Variants in FGGY observed in about 807,000 individuals in gnomAD.
The protein encoded by FGGY is FGGY carbohydrate kinase domain-containing protein.
A neutral mutation model predicts 71.3 loss-of-function variants in FGGY; 72 were observed. The observed-to-expected ratio is 1.01, with a 90% CI of 0.84 to 1.23. The LOEUF (loss-of-function observed/expected upper bound fraction) is 1.23, where lower values mean the gene tolerates loss of function less well. Among genes scored for constraint, FGGY ranks in the 50% most tolerant of loss-of-function variants. The probability of loss-of-function intolerance (pLI) is 0.00; values close to 1 mark genes in which losing one functional copy is unlikely to be tolerated. For synonymous variants in FGGY, 251 were observed against 250.3 expected, an observed-to-expected ratio of 1.00 and a Z score of -0.02; for missense variants, 668 against 682.3, an observed-to-expected ratio of 0.98 and a Z score of 0.23.
intron 6 of FGGY, among the ~76,000 whole-genome samples, chr1:59,468,489 G>A (rs972815278): frequency 3.3e-5 from 5 of 152,098 alleles, no homozygotes; most frequent in African/African-American, 1.2e-4. Flanking sequence ...GAAAGGTTGG[G>A]CATTTCACTT....
intron 5 of FGGY, among the ~76,000 whole-genome samples, chr1:59,394,326 G>C (rs1041230740): frequency 6.6e-6 from 1 of 152,046 alleles, no homozygotes; most frequent in Non-Finnish European, 1.5e-5. Context: ...TTCTTAAAGA[G>C]CCTTTACATA....
At chr1:59,360,075 GATTA>G (rs1557665308) in intron 4 of FGGY, among the ~76,000 whole-genome samples, 1 of 151,334 alleles carries the variant, frequency 6.6e-6, no homozygotes, top group East Asian at 1.9e-4. Context: ...TCATTTTACC[GATTA>G]ATTATTCATA....
chr1:59,475,624 G>T (rs952890595), intron 6 of FGGY, among the ~76,000 whole-genome samples: 3 of 152,198 alleles, frequency 2.0e-5, no homozygotes, highest in Non-Finnish European at 4.4e-5. Flanking sequence ...AAACCTAGAA[G>T]TCATTCTTAA....
At chr1:59,377,454 A>G (rs939930797) in intron 4 of FGGY, among the ~76,000 whole-genome samples, 5 of 152,184 alleles carry the variant, frequency 3.3e-5, no homozygotes, top group Middle Eastern at 3.2e-3. Context: ...TTATAAAACC[A>G]TGAGATCTTG....
chr1:59,498,962 T>C (rs1373185468), intron 6 of FGGY, among the ~76,000 whole-genome samples: 2 of 152,250 alleles, frequency 1.3e-5, no homozygotes, highest in Admixed American at 1.3e-4. Flanking sequence ...GGACACTTTC[T>C]GCTGCTTCTG....
chr1:59,491,924 C>T (rs561918735), intron 6 of FGGY, among the ~76,000 whole-genome samples: 32 of 152,168 alleles, frequency 2.1e-4, no homozygotes, highest in Admixed American at 4.6e-4. Context: ...TTATAATAGA[C>T]GCGTGTCGTT....
intron 12 of FGGY, 184 bp downstream of exon 12, chr1:59,660,477 T>C: frequency 2.3e-6 from 1 of 438,342 alleles, no homozygotes; most frequent in Non-Finnish European, 4.0e-6. Flanking sequence ...CTGCTTTAAC[T>C]AATAACCTCA....
intron 5 of FGGY, among the ~76,000 whole-genome samples, chr1:59,416,868 A>C (rs1450554764): frequency 6.6e-6 from 1 of 152,212 alleles, no homozygotes; most frequent in East Asian, 1.9e-4. Context: ...AGCAAGAAGC[A>C]GGGAAAGTGG....
At position 59,321,718 on chromosome 1, in the gene FGGY, G is replaced by A; in HGVS notation, c.169G>A (p.Asp57Asn). ...QFNHHEQSSE[D>N]IWAACCVVTK... ...CAACCACCATGAGCAGTCCTCCGAG[G>A]ACATCTGGGCTGCGTGCTGTGTTGT... Residue 57 changes from aspartate to asparagine, a missense_variant, in exon 2 of 16, where the codon GAC (aspartate) becomes AAC (asparagine). By Grantham distance (23) the Asp-to-Asn change is conservative. Transcript: ENST00000303721. The A allele has an allele frequency of 1.1e-5, 17 of 1,612,438 alleles. No homozygotes were observed. Among genetic ancestry groups the A allele is most frequent in the Non-Finnish European group, 1.4e-5 (17 of 1,179,326 alleles).
chr1:59,358,299 C>T (rs78243335), intron 4 of FGGY, among the ~76,000 whole-genome samples: 3,735 of 152,188 alleles, frequency 0.025, 177 homozygotes, highest in African/African-American at 0.086. Context: ...TCCAAAGTGA[C>T]CATAATTGTT....
chr1:59,462,837 G>A (rs984942219), intron 6 of FGGY, among the ~76,000 whole-genome samples: 2 of 151,814 alleles, frequency 1.3e-5, no homozygotes, highest in East Asian at 1.9e-4. Flanking sequence ...TGGAGAAATA[G>A]GAACACTTTT....
intron 11 of FGGY, among the ~76,000 whole-genome samples, chr1:59,643,343 A>T (rs1303571209): frequency 6.6e-6 from 1 of 151,960 alleles, no homozygotes; most frequent in East Asian, 1.9e-4. Flanking sequence ...GGCACATGTC[A>T]GCATGCCCAG....
chr1:59,508,253 G>A (rs1479529957), intron 6 of FGGY, among the ~76,000 whole-genome samples: 1 of 152,158 alleles, frequency 6.6e-6, no homozygotes. Flanking sequence ...AAGAGTCTTA[G>A]TTTTTCATCA....
intron 8 of FGGY, among the ~76,000 whole-genome samples, chr1:59,558,674 A>C (rs1013751406): frequency 6.6e-6 from 1 of 152,114 alleles, no homozygotes; most frequent in African/African-American, 2.4e-5. Flanking sequence ...AACAACAGAA[A>C]ACAGGGTTCA....
chr1:59,514,656 C>T lies in FGGY; in HGVS notation c.799+2217C>T, dbSNP rs1307618200. On this transcript the variant is annotated intron_variant, in intron 7 of 15. Transcript: ENST00000303721. ...GGGGGAGGTAATTGAATCATGGAGG[C>T]CGGTCTTTCCCATGCTATTCTCGTG... Among the ~76,000 whole-genome samples the T allele has an allele frequency of 2.6e-5, 4 of 152,114 alleles. No individual in the cohort carries two copies. The East Asian group carries it at 7.7e-4, about 29-fold the overall frequency.
At chr1:59,588,203 G>A (rs2153780721) in intron 8 of FGGY, among the ~76,000 whole-genome samples, 1 of 152,300 alleles carries the variant, frequency 6.6e-6, no homozygotes, top group Non-Finnish European at 1.5e-5. Flanking sequence ...AGGGATGGAA[G>A]ATGAAGCGAA....
chr1:59,481,931 T>C (rs1290053141), intron 6 of FGGY, among the ~76,000 whole-genome samples: 1 of 152,172 alleles, frequency 6.6e-6, no homozygotes, highest in East Asian at 1.9e-4. Context: ...AAAACCGACA[T>C]GAAAAGAAAG....
At chr1:59,662,086 C>G (rs1257250798) in intron 12 of FGGY, among the ~76,000 whole-genome samples, 2 of 147,090 alleles carry the variant, frequency 1.4e-5, no homozygotes, top group Non-Finnish European at 3.0e-5. Flanking sequence ...CTTTGGGAGG[C>G]CAAAGAGGGC....
chr1:59,312,908 C>CA lies in FGGY; in HGVS notation c.-14-8626dup, dbSNP rs200379034. Among the ~76,000 whole-genome samples, 76 of 152,240 alleles carry CA rather than the reference C, an allele frequency of 5.0e-4. 3 individuals are homozygous for CA. The East Asian group carries it at 0.012, about 25-fold the overall frequency. ...TCTGTCTTTTCTGCCTTTTGGAATC[C>CA]AACTTTAAATTTAAAAGGATAGCCA... On this transcript the variant is annotated intron_variant, in intron 1 of 15. Coordinates refer to ENST00000303721, the MANE Select transcript of FGGY (RefSeq NM_018291.5).
Sources: gnomAD v4.1 joint callset for allele counts (sites outside exome capture counted in the v4.1 genomes callset) on GRCh38, gnomAD v4.1.1 for gene constraint, MANE v1.5 for transcripts, NCBI Gene and HGNC (gene_info 2026-07-23, HGNC 2026-07-21) for gene names.